The following CPNE8 variants were observed in gnomAD, a reference collection of about 807,000 sequenced individuals.
The protein encoded by CPNE8 is copine-8.
A neutral mutation model predicts 81.5 loss-of-function variants in CPNE8; 45 were observed. The observed-to-expected ratio is 0.55, with a 90% CI of 0.44 to 0.71. CPNE8 has a LOEUF of 0.71. Among genes scored for constraint, CPNE8 ranks in the 30% least tolerant of loss-of-function variants. The pLI is 0.00. For synonymous variants in CPNE8, 252 were observed against 226.3 expected, an observed-to-expected ratio of 1.11 and a Z score of -1.02; for missense variants, 594 against 672.1, an observed-to-expected ratio of 0.88 and a Z score of 1.28.
At chr12:38,878,516 A>T (rs1050938735) in intron 1 of CPNE8, among the ~76,000 whole-genome samples, 1 of 152,232 alleles carries the variant, frequency 6.6e-6, no homozygotes, top group Non-Finnish European at 1.5e-5. Flanking sequence ...CACAACAGTC[A>T]GTTAGCTCAT....
intron 10 of CPNE8, among the ~76,000 whole-genome samples, chr12:38,745,573 C>A (rs1428382519): frequency 6.6e-6 from 1 of 152,142 alleles, no homozygotes; most frequent in Non-Finnish European, 1.5e-5. Flanking sequence ...GACAGGGTCT[C>A]CCTCTGTCTC....
At chr12:38,658,140 T>C (rs144606175) in intron 19 of CPNE8, among the ~76,000 whole-genome samples, 53 of 152,234 alleles carry the variant, frequency 3.5e-4, no homozygotes, top group African/African-American at 1.3e-3. Context: ...ACAAGGAAGC[T>C]AAAAACCTTG....
In CPNE8 at chr12:38,740,043, T is replaced by C. The variant is rs370318913; in HGVS notation, c.723-9685A>G. 2.0e-5 allele frequency among the ~76,000 whole-genome samples: 3 copies of C among 152,154 alleles called. No homozygotes were observed. In the East Asian group the frequency reaches 5.8e-4, roughly 29 times the overall value. On this transcript the variant is annotated intron_variant, in intron 10 of 19. Coordinates refer to ENST00000331366, the MANE Select transcript of CPNE8 (RefSeq NM_153634.3). ...CATTGTCAATGTGTGAAGACTTAAA[T>C]ATAAGGATATTTTTCTATAGATCTA... is the stretch of plus-strand genomic sequence containing the variant.
chr12:38,717,675 G>T, intron 13 of CPNE8, among the ~76,000 whole-genome samples: 1 of 151,206 alleles, frequency 6.6e-6, no homozygotes, highest in Non-Finnish European at 1.5e-5. Flanking sequence ...AGTTTGGGAG[G>T]GTGGTGAGGG....
chr12:38,795,867 GGATAGATAGATA>G (rs11377515), intron 6 of CPNE8, among the ~76,000 whole-genome samples: 2 of 148,134 alleles, frequency 1.4e-5, no homozygotes, highest in Non-Finnish European at 3.0e-5. Flanking sequence ...ATGGATGGAT[GGATAGATAGATA>G]GATAGATAGA....
At chr12:38,874,574 CAT>C (rs1241315680) in intron 1 of CPNE8, 63 bp from the exon 2 acceptor site, 17 of 1,046,302 alleles carry the variant, frequency 1.6e-5, no homozygotes, top group Non-Finnish European at 2.2e-5. Flanking sequence ...TTTATATAGA[CAT>C]ATTAAAATGT....
chr12:38,665,442 A>G (rs147755309), intron 19 of CPNE8, among the ~76,000 whole-genome samples: 2,133 of 152,244 alleles, frequency 0.014, 19 homozygotes, highest in Non-Finnish European at 0.02. Flanking sequence ...TTCAGCACCC[A>G]CAAGTGTAGG....
At chr12:38,791,274 T>C (rs922161136) in intron 6 of CPNE8, among the ~76,000 whole-genome samples, 1 of 151,606 alleles carries the variant, frequency 6.6e-6, no homozygotes, top group African/African-American at 2.4e-5. Flanking sequence ...ACCTACTCAA[T>C]GACCTTTTCT....
At chr12:38,751,781 A>C (rs1181865461) in intron 10 of CPNE8, among the ~76,000 whole-genome samples, 1 of 152,194 alleles carries the variant, frequency 6.6e-6, no homozygotes, top group Non-Finnish European at 1.5e-5. Context: ...AGGTCCACCC[A>C]CTTGCCCTCA....
rs1327045400 is a variant in CPNE8 at position 38,807,292 on chromosome 12, A to T, written c.407+22087T>A. Among the ~76,000 whole-genome samples, 149 of 147,900 alleles carry T rather than the reference A, an allele frequency of 1.0e-3. 2 individuals carry two copies. The East Asian group carries it at 0.028, about 27-fold the overall frequency. On this transcript the variant is annotated intron_variant, in intron 6 of 19. Transcript: ENST00000331366. ...GAACCAAAAAAGAGCCCGCATCGCC[A>T]AGTCAATCCTAAGCCAAAAGAACAA...
At chr12:38,794,351 T>G (rs374563767) in intron 6 of CPNE8, among the ~76,000 whole-genome samples, 11 of 152,030 alleles carry the variant, frequency 7.2e-5, no homozygotes, top group African/African-American at 2.4e-4. Context: ...ATAATCTGAT[T>G]AAAAAGTGAA....
At chr12:38,906,726 T>C (rs1944577175), upstream of CPNE8, 1 of 497,746 alleles carries the variant, frequency 2.0e-6, no homozygotes, top group Non-Finnish European at 2.6e-6. Context: ...GCAGGGACCT[T>C]TGTTCCCCGC....
chr12:38,685,512 G>T lies in CPNE8; in HGVS notation c.1249C>A (p.Pro417Thr). 1.2e-6 allele frequency: 2 copies of T among 1,613,290 alleles called. No homozygotes were observed. The highest frequency in any genetic ancestry group is 1.7e-6 in the Non-Finnish European group (2 of 1,179,484). Residue 417 changes from proline to threonine, a missense_variant, in exon 16 of 20, where the codon CCT (proline) becomes ACT (threonine). Physicochemically the swap from Pro to Thr is conservative, Grantham distance 38. Coordinates refer to ENST00000331366, the MANE Select transcript of CPNE8 (RefSeq NM_153634.3). ...TACCTTGCTACATGATTAATTACAG[G>T]AGCAAAGTTGGTGGGCCCATATAGT... Reference protein sequence around the residue: ...VQLYGPTNFAPVINHVARYAS... With the variant: ...VQLYGPTNFATVINHVARYAS...
At chr12:38,702,827 T>C in intron 14 of CPNE8, 48 bp downstream of exon 14, 2 of 1,110,338 alleles carry the variant, frequency 1.8e-6, no homozygotes, top group Non-Finnish European at 2.6e-6. Context: ...AATTTATTTT[T>C]CATGTAATTG....
intron 5 of CPNE8, among the ~76,000 whole-genome samples, chr12:38,831,963 A>T (rs771165699): frequency 3.9e-5 from 6 of 152,228 alleles, no homozygotes; most frequent in Non-Finnish European, 7.3e-5. Flanking sequence ...GCTCAAGAGA[A>T]TAAAACATAA....
At chr12:38,792,578 C>A (rs1192714838) in intron 6 of CPNE8, among the ~76,000 whole-genome samples, 1 of 151,556 alleles carries the variant, frequency 6.6e-6, no homozygotes, top group Non-Finnish European at 1.5e-5. Flanking sequence ...CAGGTTAAAT[C>A]AATAATCAAA....
intron 1 of CPNE8, among the ~76,000 whole-genome samples, chr12:38,877,901 T>A (rs1234481315): frequency 6.6e-6 from 1 of 152,108 alleles, no homozygotes; most frequent in African/African-American, 2.4e-5. Flanking sequence ...TTAGTCACAG[T>A]ATAAGGAGAC....
At chr12:38,849,458 T>G (rs1943609637) in intron 3 of CPNE8, among the ~76,000 whole-genome samples, 1 of 152,206 alleles carries the variant, frequency 6.6e-6, no homozygotes, top group Admixed American at 6.5e-5. Context: ...TTAACTTCAG[T>G]TCTGAGCAAT....
intron 15 of CPNE8, 25 bp from the exon 16 acceptor site, chr12:38,685,642 A>G: frequency 5.6e-6 from 9 of 1,605,504 alleles, no homozygotes; most frequent in Non-Finnish European, 6.8e-6. Flanking sequence ...AGGCAAAACA[A>G]AACAAAACAA....
Sources: gnomAD v4.1 joint callset for allele counts (sites outside exome capture counted in the v4.1 genomes callset) on GRCh38, gnomAD v4.1.1 for gene constraint, MANE v1.5 for transcripts, NCBI Gene and HGNC (gene_info 2026-07-23, HGNC 2026-07-21) for gene names.